The following CPSF4L variants were observed in gnomAD, a reference collection of about 807,000 sequenced individuals.
CPSF4L encodes the protein cleavage and polyadenylation specific factor 4 like, also known as putative cleavage and polyadenylation specificity factor subunit 4-like protein.
CPSF4L carries 18 observed loss-of-function variants against 24.0 expected under a neutral mutation model. The ratio of observed to expected loss-of-function variants is 0.75; its 90% confidence interval spans 0.52 to 1.11. CPSF4L has a LOEUF of 1.11. CPSF4L is among the 50% of genes least tolerant of loss of function. The pLI, the probability that CPSF4L is intolerant of heterozygous loss-of-function variation, is 0.00. For synonymous variants in CPSF4L, 72 were observed against 77.2 expected, an observed-to-expected ratio of 0.93 and a Z score of 0.35; for missense variants, 211 against 221.8, an observed-to-expected ratio of 0.95 and a Z score of 0.31.
In CPSF4L at chr17:73,254,071, T is replaced by A. The variant is rs774594187; in HGVS notation, c.308-45A>T. ...CTGTAGAAGCAGTTTCTCTTTGTGA[T>A]CACTTCTGTGTCCCCAAACCAGATT... On this transcript the variant is annotated intron_variant, in intron 3 of 5. Transcript: ENST00000344935. The A allele has an allele frequency of 3.4e-6, 5 of 1,451,490 alleles. No homozygotes were observed. In the Admixed American group the frequency reaches 9.8e-5, roughly 29 times the overall value. The allele number at this position is 1,451,490 out of a possible 1,614,324, so 89.9% of individuals were successfully genotyped here.
At chr17:73,254,073 A>C in intron 3 of CPSF4L, 47 bp from the exon 4 acceptor site, 1 of 1,437,082 alleles carries the variant, frequency 7.0e-7, no homozygotes. Flanking sequence ...CTTTGTGATC[A>C]CTTCTGTGTC....
chr17:73,248,262 G>C, downstream of CPSF4L: 3 of 513,198 alleles, frequency 5.8e-6, no homozygotes, highest in South Asian at 2.6e-5. Flanking sequence ...ACGAATAGTA[G>C]ACAAGTAAGA....
At chr17:73,242,682 G>T in the CPSF4L span, among the ~76,000 whole-genome samples, 1 of 152,150 alleles carries the variant, frequency 6.6e-6, no homozygotes, top group African/African-American at 2.4e-5. Context: ...TCCCACTAAA[G>T]ATTTTAACCA....
chr17:73,243,536 A>G (rs1464943222), downstream of CPSF4L, among the ~76,000 whole-genome samples: 1 of 138,156 alleles, frequency 7.2e-6, no homozygotes, highest in Non-Finnish European at 1.6e-5. Flanking sequence ...CTTGTCCTCC[A>G]TTTCATGTTG....
chr17:73,242,219 C>T, the CPSF4L span: 4 of 1,478,982 alleles, frequency 2.7e-6, no homozygotes, highest in East Asian at 7.0e-5. Flanking sequence ...TAAACAATGA[C>T]AGTGACTTCT....
At chr17:73,262,060 G>A, upstream of CPSF4L, 1 of 541,492 alleles carries the variant, frequency 1.8e-6, no homozygotes, top group South Asian at 2.4e-5. Flanking sequence ...CCCACACTGT[G>A]TACACAAGGC....
At chr17:73,253,547 G>A (rs1158185179) in intron 4 of CPSF4L, among the ~76,000 whole-genome samples, 1 of 152,232 alleles carries the variant, frequency 6.6e-6, no homozygotes, top group Non-Finnish European at 1.5e-5. Context: ...AATGGGAAAG[G>A]TAGGACATGC....
At chr17:73,254,934 G>A (rs760066361) in intron 3 of CPSF4L, among the ~76,000 whole-genome samples, 4 of 152,090 alleles carry the variant, frequency 2.6e-5, no homozygotes, top group Non-Finnish European at 5.9e-5. Context: ...GAGCCACCAC[G>A]CCCGGACCCA....
At chr17:73,250,902 T>C in intron 5 of CPSF4L, 1 of 1,203,232 alleles carries the variant, frequency 8.3e-7, no homozygotes, top group Non-Finnish European at 1.1e-6. Context: ...ATTCTCCAGC[T>C]CCCTGATCAT....
chr17:73,252,560 G>A (rs2062009763), intron 5 of CPSF4L, 70 bp downstream of exon 5: 1 of 946,296 alleles, frequency 1.1e-6, no homozygotes, highest in African/African-American at 1.6e-5. Flanking sequence ...CGAAGGTATG[G>A]AAAGATCTAG....
intron 5 of CPSF4L, chr17:73,250,209 C>A: frequency 6.5e-7 from 1 of 1,542,868 alleles, no homozygotes; most frequent in Non-Finnish European, 8.7e-7. Context: ...ATAGTAAGAC[C>A]ATTGAGCATC....
intron 5 of CPSF4L, chr17:73,250,230 C>T: frequency 3.2e-6 from 5 of 1,548,928 alleles, no homozygotes; most frequent in Non-Finnish European, 4.4e-6. Flanking sequence ...TTCTCCTGAC[C>T]ATAGGTTAGT....
At chr17:73,242,848 C>A in the CPSF4L span, 1 of 1,477,320 alleles carries the variant, frequency 6.8e-7, no homozygotes, top group Non-Finnish European at 9.4e-7. Context: ...CGGATACTGG[C>A]CCTAGTTTCA....
chr17:73,253,971 G>T lies in CPSF4L; in HGVS notation c.363C>A (p.Ser121=), dbSNP rs1219941084. ...CTTGGTCATACCAAGGACAGTCCTG[G>T]GACTTGAAAGCTGGCTTCACATGGA... ...SFLHVKPAFK[S]QDCPWYDQGF... Residue 121 remains serine (S), a synonymous_variant, in exon 4 of 6, where the codon TCC becomes TCA. Coordinates refer to ENST00000344935, the MANE Select transcript of CPSF4L (RefSeq NM_001129885.1). The T allele has an allele frequency of 6.4e-7, 1 of 1,551,546 alleles. No individual in the cohort carries two copies. The highest frequency in any genetic ancestry group is 1.4e-5 in the African/African-American group (1 of 73,038).
At chr17:73,261,554 G>A (rs1221150197) in intron 1 of CPSF4L, among the ~76,000 whole-genome samples, 162 bp downstream of exon 1, 4 of 152,188 alleles carry the variant, frequency 2.6e-5, no homozygotes, top group South Asian at 2.1e-4. Flanking sequence ...CCAGCTCCTC[G>A]GGAGGCTGAG....
upstream of CPSF4L, chr17:73,262,072 C>T (rs932629790): frequency 4.0e-5 from 19 of 480,926 alleles, no homozygotes; most frequent in Non-Finnish European, 3.4e-5. Context: ...ACACAAGGCT[C>T]ACTCGGATAG....
chr17:73,248,329 C>T (rs190352383), downstream of CPSF4L: 36 of 669,832 alleles, frequency 5.4e-5, no homozygotes, highest in East Asian at 9.1e-4. Context: ...CTACTCATCT[C>T]TTCACAGAGC....
chr17:73,260,048 G>C (rs982556507), intron 2 of CPSF4L, among the ~76,000 whole-genome samples: 2 of 152,122 alleles, frequency 1.3e-5, no homozygotes, highest in Non-Finnish European at 1.5e-5. Context: ...TGGGGAGAGG[G>C]GCCTAGGAAG....
intron 1 of CPSF4L, among the ~76,000 whole-genome samples, chr17:73,261,390 G>A (rs545946810): frequency 1.6e-4 from 25 of 152,340 alleles, no homozygotes; most frequent in South Asian, 6.2e-4. Flanking sequence ...GGCTGGGCGT[G>A]GTGGCTCATG....
Sources: gnomAD v4.1 joint callset for allele counts (sites outside exome capture counted in the v4.1 genomes callset) on GRCh38, gnomAD v4.1.1 for gene constraint, MANE v1.5 for transcripts, NCBI Gene and HGNC (gene_info 2026-07-23, HGNC 2026-07-21) for gene names.